Variants in FOXN3 observed in about 807,000 individuals in gnomAD.
FOXN3 encodes the protein forkhead box N3.
A neutral mutation model predicts 38.4 loss-of-function variants in FOXN3; 7 were observed. That is an observed-to-expected ratio of 0.18 (90% CI 0.10 to 0.34). The LOEUF is 0.34. FOXN3 is among the 10% of genes least tolerant of loss of function. The pLI is 1.00. For synonymous variants in FOXN3, 230 were observed against 242.2 expected, an observed-to-expected ratio of 0.95 and a Z score of 0.47; for missense variants, 456 against 613.4, an observed-to-expected ratio of 0.74 and a Z score of 2.71.
chr14:89,590,719 T>A (rs555336677), intron 1 of FOXN3, among the ~76,000 whole-genome samples: 1 of 152,138 alleles, frequency 6.6e-6, no homozygotes, highest in African/African-American at 2.4e-5. Context: ...AAGAAGGACA[T>A]AGAAACCAGA....
intron 1 of FOXN3, among the ~76,000 whole-genome samples, chr14:89,561,520 G>A (rs1895248558): frequency 1.3e-5 from 2 of 152,174 alleles, no homozygotes; most frequent in Non-Finnish European, 2.9e-5. Flanking sequence ...CGGGTACTTA[G>A]TTTCACAGAC....
intron 1 of FOXN3, among the ~76,000 whole-genome samples, chr14:89,427,394 C>T (rs1892061434): frequency 6.9e-6 from 1 of 144,750 alleles, no homozygotes. Context: ...CAACCTCCGC[C>T]TCCTGGGTTC....
At chr14:89,201,777 T>C (rs914103550) in intron 4 of FOXN3, among the ~76,000 whole-genome samples, 23 of 152,162 alleles carry the variant, frequency 1.5e-4, no homozygotes, top group African/African-American at 4.8e-4. Context: ...TCTCCACTTA[T>C]TGGAAGATAG....
chr14:89,416,100 G>A (rs972283722), intron 1 of FOXN3, among the ~76,000 whole-genome samples: 1 of 152,160 alleles, frequency 6.6e-6, no homozygotes, highest in Non-Finnish European at 1.5e-5. Flanking sequence ...AGTTTGGGGG[G>A]CCGGGTCACC....
chr14:89,608,137 C>T (rs570630343), intron 1 of FOXN3, among the ~76,000 whole-genome samples: 5 of 146,056 alleles, frequency 3.4e-5, no homozygotes, highest in South Asian at 2.4e-4. Flanking sequence ...CGCCACCATG[C>T]CTGGCTAATT....
intron 1 of FOXN3, among the ~76,000 whole-genome samples, chr14:89,554,971 A>G (rs1895086106): frequency 6.6e-6 from 1 of 151,896 alleles, no homozygotes; most frequent in Non-Finnish European, 1.5e-5. Context: ...TTGTATTTTT[A>G]GTAGAGACTG....
At position 89,427,162 on chromosome 14, in the gene FOXN3, G is replaced by C. The variant is rs143176545; in HGVS notation, c.-14-14672C>G. Among the ~76,000 whole-genome samples, 1,237 of 149,810 alleles carry C rather than the reference G, an allele frequency of 8.3e-3. 6 individuals are homozygous for C. Among genetic ancestry groups the C allele is most frequent in the Non-Finnish European group, 0.013 (886 of 67,434 alleles). On this transcript the variant is annotated intron_variant, in intron 1 of 6. Coordinates refer to the FOXN3 transcript ENST00000345097. ...GAGAAATGCTCGAACCAGGGAGGTGGAGGTTGCAGTGAGCTGATATCGTGC... is the reference window on the plus strand; with the variant it reads ...GAGAAATGCTCGAACCAGGGAGGTGCAGGTTGCAGTGAGCTGATATCGTGC...
At chr14:89,306,334 G>GCACA (rs33940446) in intron 3 of FOXN3, among the ~76,000 whole-genome samples, 72 of 146,762 alleles carry the variant, frequency 4.9e-4, no homozygotes, top group Non-Finnish European at 8.4e-4. Flanking sequence ...ACAGACGCAT[G>GCACA]CACACACACA....
intron 4 of FOXN3, among the ~76,000 whole-genome samples, chr14:89,262,206 C>T (rs1885830933): frequency 6.6e-6 from 1 of 152,186 alleles, no homozygotes; most frequent in African/African-American, 2.4e-5. Flanking sequence ...CAGGTTTTAC[C>T]ACCAGTTTGC....
At chr14:89,198,130 A>G (rs1888144384) in intron 4 of FOXN3, among the ~76,000 whole-genome samples, 1 of 152,190 alleles carries the variant, frequency 6.6e-6, no homozygotes, top group African/African-American at 2.4e-5. Context: ...AAAATGTTAC[A>G]CTGTTGCTGA....
At chr14:89,273,059 C>A (rs1254520933) in intron 4 of FOXN3, among the ~76,000 whole-genome samples, 1 of 152,228 alleles carries the variant, frequency 6.6e-6, no homozygotes, top group Non-Finnish European at 1.5e-5. Flanking sequence ...GCCGCTGCTT[C>A]TTCATGGCCA....
At chr14:89,303,670 C>T (rs1444896233) in intron 3 of FOXN3, among the ~76,000 whole-genome samples, 1 of 152,148 alleles carries the variant, frequency 6.6e-6, no homozygotes, top group African/African-American at 2.4e-5. Flanking sequence ...ACATAACTAC[C>T]TCCCGTTTCC....
chr14:89,616,521 A>ACCCCCCCCCCCCCCCCCCCCCCCCC (rs1161046760), intron 1 of FOXN3, among the ~76,000 whole-genome samples: 1 of 137,946 alleles, frequency 7.2e-6, no homozygotes, highest in Non-Finnish European at 1.5e-5. Context: ...TCACTCCCCA[A>ACCCCCCCCCCCCCCCCCCCCCCCCC]CCCCACCCCC....
At chr14:89,421,145 C>CTTTTTTT (rs570024684), upstream of FOXN3, among the ~76,000 whole-genome samples, 7 of 108,182 alleles carry the variant, frequency 6.5e-5, no homozygotes, top group South Asian at 6.1e-4. Context: ...TTCTTTCTTT[C>CTTTTTTT]TTTTTTTTTT....
intron 3 of FOXN3, among the ~76,000 whole-genome samples, chr14:89,307,207 A>G (rs117203063): frequency 0.034 from 5,164 of 152,304 alleles, 114 homozygotes; most frequent in Middle Eastern, 0.054. Context: ...TCTAATTATT[A>G]TTAAATGTAA....
At chr14:89,474,450 C>G (rs149061537) in intron 1 of FOXN3, among the ~76,000 whole-genome samples, 1 of 152,250 alleles carries the variant, frequency 6.6e-6, no homozygotes, top group African/African-American at 2.4e-5. Flanking sequence ...TGTGGCAGAA[C>G]CACTTGGTTA....
chr14:89,321,146 C>T (rs1596181609), intron 3 of FOXN3, among the ~76,000 whole-genome samples: 1 of 151,962 alleles, frequency 6.6e-6, no homozygotes, highest in South Asian at 2.1e-4. Flanking sequence ...AGAAAATTAG[C>T]TGGGCATGGT....
chr14:89,335,350 C>G (rs1393231456), intron 3 of FOXN3, among the ~76,000 whole-genome samples: 3 of 152,236 alleles, frequency 2.0e-5, no homozygotes, highest in Non-Finnish European at 4.4e-5. Flanking sequence ...GTCTCTCAAA[C>G]TGAGTGTCAT....
chr14:89,180,616 C>A, intron 5 of FOXN3, 85 bp downstream of exon 5: 2 of 972,840 alleles, frequency 2.1e-6, no homozygotes, highest in African/African-American at 3.3e-5. Flanking sequence ...AGCAGCTCCT[C>A]TCTGTCTCCA....
Sources: gnomAD v4.1 joint callset for allele counts (sites outside exome capture counted in the v4.1 genomes callset) on GRCh38, gnomAD v4.1.1 for gene constraint, MANE v1.5 for transcripts, NCBI Gene and HGNC (gene_info 2026-07-23, HGNC 2026-07-21) for gene names.